Variants in DST observed in about 807,000 individuals in gnomAD.
DST encodes the protein dystonin, also known as bullous pemphigoid antigen.
A neutral mutation model predicts 875.2 loss-of-function variants in DST; 253 were observed. The ratio of observed to expected loss-of-function variants is 0.29; its 90% CI spans 0.26 to 0.32. The LOEUF (loss-of-function observed/expected upper bound fraction) is 0.32, where lower values mean the gene tolerates loss of function less well. Among genes scored for constraint, DST ranks in the 10% least tolerant of loss-of-function variants. The probability of loss-of-function intolerance (pLI) is 1.00; values close to 1 mark genes in which losing one functional copy is unlikely to be tolerated. For synonymous variants in DST, 3,124 were observed against 3,197.1 expected, an observed-to-expected ratio of 0.98 and a Z score of 0.77; for missense variants, 8,287 against 9,111.6, an observed-to-expected ratio of 0.91 and a Z score of 3.68.
chr6:56,926,067 A>C (rs2127750907), intron 2 of DST, among the ~76,000 whole-genome samples: 1 of 152,356 alleles, frequency 6.6e-6, no homozygotes, highest in Non-Finnish European at 1.5e-5. Context: ...ATGTGAACAT[A>C]AATCAAATAT....
intron 3 of DST, among the ~76,000 whole-genome samples, chr6:56,860,555 G>C (rs930252883): frequency 6.6e-6 from 1 of 152,140 alleles, no homozygotes; most frequent in Non-Finnish European, 1.5e-5. Context: ...GCTGGCTCAG[G>C]CTCCCGACGA....
At chr6:56,591,308 T>G (rs1378370592) in intron 49 of DST, among the ~76,000 whole-genome samples, 1 of 152,222 alleles carries the variant, frequency 6.6e-6, no homozygotes, top group Non-Finnish European at 1.5e-5. Context: ...TTTTGAGAAC[T>G]GTATTGAGTA....
intron 4 of DST, among the ~76,000 whole-genome samples, chr6:56,822,571 G>C (rs936550484): frequency 8.5e-5 from 13 of 152,142 alleles, no homozygotes; most frequent in African/African-American, 3.1e-4. Flanking sequence ...CATCAGAAAG[G>C]AGTAGGCAGA....
intron 92 of DST, among the ~76,000 whole-genome samples, chr6:56,475,861 G>C (rs966316812): frequency 2.0e-5 from 3 of 152,160 alleles, no homozygotes; most frequent in Non-Finnish European, 4.4e-5. Flanking sequence ...GGAGTAAGGA[G>C]AGCTGACATT....
intron 52 of DST, among the ~76,000 whole-genome samples, 181 bp from the exon 53 acceptor site, chr6:56,572,447 C>G (rs1585212401): frequency 6.6e-6 from 1 of 152,152 alleles, no homozygotes; most frequent in East Asian, 1.9e-4. Flanking sequence ...AAAGGGAACA[C>G]AGTAAACCTT....
At chr6:56,827,237 C>T (rs975503644) in intron 4 of DST, among the ~76,000 whole-genome samples, 23 of 152,028 alleles carry the variant, frequency 1.5e-4, no homozygotes, top group Non-Finnish European at 1.6e-4. Context: ...AAAACAGGGC[C>T]GGGCGCGGTG....
chr6:56,829,532 AG>A (rs1477078067), intron 4 of DST, among the ~76,000 whole-genome samples: 2 of 152,324 alleles, frequency 1.3e-5, no homozygotes, highest in Non-Finnish European at 2.9e-5. Context: ...GCATTTTAAA[AG>A]GGTTTTCAAA....
At position 56,848,914 on chromosome 6, in the gene DST, C is replaced by T. The variant is rs1763477310; in HGVS notation, c.625+2483G>A. Among the ~76,000 whole-genome samples, 4 of 150,362 alleles carry T rather than the reference C, an allele frequency of 2.7e-5. No individual in the cohort carries two copies. The South Asian group carries it at 8.3e-4, about 31-fold the overall frequency. ...AATTAGCTGGGCATGGTGGTGCATG[C>T]CTGTGGTCCCAGCTACTTGGGAGGC... On this transcript the variant is annotated intron_variant, in intron 4 of 103. Coordinates refer to ENST00000680361, the MANE Select transcript of DST (RefSeq NM_001374736.1).
chr6:56,519,202 A>C (rs1399854921), intron 69 of DST, among the ~76,000 whole-genome samples: 1 of 152,176 alleles, frequency 6.6e-6, no homozygotes, highest in Non-Finnish European at 1.5e-5. Flanking sequence ...AAACGGGTAC[A>C]AAGTCCCAAA....
At chr6:56,620,677 A>C in intron 36 of DST, 1 of 1,614,134 alleles carries the variant, frequency 6.2e-7, no homozygotes, top group Non-Finnish European at 8.5e-7. Flanking sequence ...GCAGATCTGA[A>C]TATGCCCCAT....
rs538487610 is a variant in DST at position 56,897,229 on chromosome 6, T to C, written c.417+3192A>G. On this transcript the variant is annotated intron_variant, in intron 3 of 103. Transcript: ENST00000680361. ...GTTGAGAAGGGTGTCCTTTCCCTTA[T>C]TATCACTTTATAATAAGGAAACTGA... is the stretch of plus-strand genomic sequence containing the variant. Among the ~76,000 whole-genome samples the C allele has an allele frequency of 2.6e-5, 4 of 151,592 alleles. No individual in the cohort carries two copies. The South Asian group carries it at 6.2e-4, about 24-fold the overall frequency.
At chr6:56,566,142 T>C (rs112269576) in intron 55 of DST, among the ~76,000 whole-genome samples, 3 of 152,040 alleles carry the variant, frequency 2.0e-5, no homozygotes, top group African/African-American at 7.2e-5. Flanking sequence ...TCCGTAGGGG[T>C]TGGATCTGCT....
intron 62 of DST, among the ~76,000 whole-genome samples, chr6:56,536,289 G>A (rs886970444): frequency 1.3e-5 from 2 of 152,186 alleles, no homozygotes; most frequent in Non-Finnish European, 2.9e-5. Flanking sequence ...GAGGGTAGCA[G>A]GACTTAGTCC....
chr6:56,716,455 T>C (rs75482865), intron 5 of DST, among the ~76,000 whole-genome samples: 2,719 of 152,342 alleles, frequency 0.018, 83 homozygotes, highest in African/African-American at 0.061. Flanking sequence ...GCAGTAAATC[T>C]TTATGACCTT....
chr6:56,804,288 T>C (rs1054383817), intron 4 of DST, among the ~76,000 whole-genome samples: 14 of 152,154 alleles, frequency 9.2e-5, no homozygotes, highest in African/African-American at 3.4e-4. Context: ...GAAAACCAGG[T>C]TATTGCAATG....
chr6:56,462,986 G>GT, intron 102 of DST, 60 bp downstream of exon 102: 1 of 946,282 alleles, frequency 1.1e-6, no homozygotes, highest in Non-Finnish European at 1.7e-6. Flanking sequence ...AACGATGTTA[G>GT]TGAGTGATAG....
chr6:56,643,340 C>T (rs1488081408), intron 15 of DST, among the ~76,000 whole-genome samples: 1 of 152,198 alleles, frequency 6.6e-6, no homozygotes, highest in African/African-American at 2.4e-5. Flanking sequence ...AAGCAAAGTA[C>T]GCTTCCATTT....
chr6:56,828,691 T>C (rs2099783659), intron 4 of DST, among the ~76,000 whole-genome samples: 1 of 152,190 alleles, frequency 6.6e-6, no homozygotes. Context: ...TTCTGGACTT[T>C]AGTTTTCTTG....
chr6:56,611,422 A>G (rs2098543736), intron 38 of DST, 86 bp downstream of exon 38: 1 of 860,734 alleles, frequency 1.2e-6, no homozygotes, highest in Non-Finnish European at 1.9e-6. Context: ...TAACATTGCA[A>G]TTAAAATTTA....
Sources: gnomAD v4.1 joint callset for allele counts (sites outside exome capture counted in the v4.1 genomes callset) on GRCh38, gnomAD v4.1.1 for gene constraint, MANE v1.5 for transcripts, NCBI Gene and HGNC (gene_info 2026-07-23, HGNC 2026-07-21) for gene names.